Variants in LIPA observed in about 807,000 individuals in gnomAD.
LIPA encodes the protein lipase A, lysosomal acid type, also known as lysosomal acid lipase/cholesteryl ester hydrolase.
Under a neutral mutation model 40.6 loss-of-function variants are expected in LIPA, and 26 were observed. That is an observed-to-expected ratio of 0.64 (90% CI 0.47 to 0.89). LIPA has a LOEUF of 0.89. Among genes scored for constraint, LIPA ranks in the 40% least tolerant of loss-of-function variants. LIPA has a pLI of 0.00. For synonymous variants in LIPA, 188 were observed against 168.4 expected (o/e 1.12, Z -0.90); for missense variants, 455 against 479.6 (o/e 0.95, Z 0.48).
chr10:89,320,155 C>A (rs913287266), intron 1 of LIPA, among the ~76,000 whole-genome samples: 2 of 152,166 alleles, frequency 1.3e-5, no homozygotes, highest in African/African-American at 4.8e-5. Flanking sequence ...TGAAAACTGG[C>A]ACAAGACAGG....
At chr10:89,338,151 G>A (rs1843776610) in intron 1 of LIPA, 1 of 154,410 alleles carries the variant, frequency 6.5e-6, no homozygotes, top group Non-Finnish European at 1.4e-5. Context: ...ATAAGTCAAG[G>A]AACATCTATA....
chr10:89,247,602 G>C lies in LIPA; in HGVS notation c.47C>G (p.Thr16Ser), dbSNP rs1313662068. ...CCCTCCAGACCCCTCAGAATGCAGG[G>C]TCCAGAGAACCAAACAGACCACCAA... The part of the protein sequence containing the change: ...LGLVVCLVLW[T>S]LHSEGSGGKL... Residue 16 changes from threonine (T) to serine (S), a missense_variant, in exon 2 of 10, where the codon ACC (threonine) becomes AGC (serine). Physicochemically the swap from Thr to Ser is moderately conservative, Grantham distance 58. Transcript: ENST00000336233. 2 of 1,613,140 alleles carry C rather than the reference G, an allele frequency of 1.2e-6. No individual in the cohort carries two copies.
rs1208025894 is a variant in LIPA, at chr10:89,228,338, G to A, written c.290C>T (p.Thr97Ile). Residue 97 changes from threonine to isoleucine, a missense_variant, in exon 4 of 10, where the codon ACA (threonine) becomes ATA (isoleucine). By Grantham distance (89) the Thr-to-Ile change is moderately conservative. Transcript: ENST00000336233. ...GCCCAGGCTGCTGTTGGCAAGGTTT[G>A]TGACCCAGTTACTAGAATCTGCCAG... The part of the protein sequence containing the change: ...GLLADSSNWV[T>I]NLANSSLGFI... The A allele has an allele frequency of 6.2e-7, 1 of 1,614,234 alleles. No homozygotes were observed. The highest frequency in any genetic ancestry group is 8.5e-7 in the Non-Finnish European group (1 of 1,180,040).
intron 1 of LIPA, among the ~76,000 whole-genome samples, chr10:89,333,141 A>G (rs75743393): frequency 0.021 from 3,227 of 152,258 alleles, 125 homozygotes; most frequent in African/African-American, 0.072. Flanking sequence ...ATTGGGGGAT[A>G]TGTCTACTTG....
chr10:89,386,976 A>T (rs535804232), intron 2 of LIPA, among the ~76,000 whole-genome samples: 3,931 of 132,654 alleles, frequency 0.03, 181 homozygotes, highest in African/African-American at 0.12. Flanking sequence ...TGTGTGTGAG[A>T]GAGAGAGAGA....
Position 89,383,876 on chromosome 10 carries a change from T to C in LIPA, c.61+28915A>G, listed in dbSNP as rs7072728. ...GGGTACGCAATCACCGTCTATCGCCTGGATAAATTTAACACAGCATCAGGG... is the reference window on the plus strand; with the variant it reads ...GGGTACGCAATCACCGTCTATCGCCCGGATAAATTTAACACAGCATCAGGG... On this transcript the variant is annotated intron_variant, in intron 2 of 8. Coordinates refer to the LIPA transcript ENST00000371837. 3,808 of 1,614,206 alleles carry C rather than the reference T, an allele frequency of 2.4e-3. 81 individuals carry two copies. In the African/African-American group the frequency reaches 0.046, roughly 19 times the overall value.
At chr10:89,261,537 TTAA>T (rs1356603364) in intron 1 of LIPA, among the ~76,000 whole-genome samples, 4 of 151,804 alleles carry the variant, frequency 2.6e-5, no homozygotes, top group Non-Finnish European at 5.9e-5. Context: ...AAATTAAAAT[TTAA>T]AAAATCAGAA....
chr10:89,379,762 T>C lies in LIPA; in HGVS notation c.61+33029A>G, dbSNP rs575448144. On this transcript the variant is annotated intron_variant, in intron 2 of 8. Transcript: ENST00000371837. Reference sequence around the variant, plus strand: ...ATAAGATGTTAGTTGTGGCTGGGCATGGTGGCTCACACCTGTAATCCCAGC... The same window carrying C: ...ATAAGATGTTAGTTGTGGCTGGGCACGGTGGCTCACACCTGTAATCCCAGC... Among the ~76,000 whole-genome samples the C allele has an allele frequency of 1.8e-4, 28 of 152,244 alleles. No individual in the cohort carries two copies. In the East Asian group the frequency reaches 5.2e-3, roughly 28 times the overall value.
At chr10:89,391,164 T>C (rs548236722) in intron 2 of LIPA, among the ~76,000 whole-genome samples, 1 of 152,366 alleles carries the variant, frequency 6.6e-6, no homozygotes, top group Admixed American at 6.5e-5. Context: ...CTGCTTCTTA[T>C]GTTAAAAGAC....
chr10:89,345,701 G>A (rs1843915197), upstream of LIPA, among the ~76,000 whole-genome samples: 1 of 152,052 alleles, frequency 6.6e-6, no homozygotes. Flanking sequence ...ATACACAGCT[G>A]AAAAGCATTT....
At chr10:89,325,472 C>T (rs1415884117) in intron 1 of LIPA, among the ~76,000 whole-genome samples, 4 of 152,106 alleles carry the variant, frequency 2.6e-5, no homozygotes, top group Non-Finnish European at 5.9e-5. Flanking sequence ...ACCTAAATGC[C>T]CATCAACAGA....
At chr10:89,306,717 C>T (rs779315161) in intron 1 of LIPA, 1 of 1,614,038 alleles carries the variant, frequency 6.2e-7, no homozygotes, top group Non-Finnish European at 8.5e-7. Flanking sequence ...CGCAGTGCAG[C>T]CAAGTTTTAT....
intron 2 of LIPA, among the ~76,000 whole-genome samples, chr10:89,387,465 G>A (rs1041720357): frequency 1.3e-5 from 2 of 152,110 alleles, no homozygotes; most frequent in African/African-American, 4.8e-5. Flanking sequence ...TGCAATATGG[G>A]CCAGCGAAGA....
chr10:89,298,095 C>T (rs115012122), intron 1 of LIPA, among the ~76,000 whole-genome samples: 8,098 of 152,296 alleles, frequency 0.053, 717 homozygotes, highest in African/African-American at 0.18. Context: ...GTTTGTCCCA[C>T]CGTTGGCTAC....
intron 2 of LIPA, among the ~76,000 whole-genome samples, chr10:89,360,422 G>C (rs1260756293): frequency 6.6e-6 from 1 of 152,162 alleles, no homozygotes; most frequent in East Asian, 1.9e-4. Flanking sequence ...ATGAAACCCA[G>C]TCTACATTTG....
chr10:89,336,700 TA>T (rs1843746001), intron 1 of LIPA, among the ~76,000 whole-genome samples: 1 of 152,248 alleles, frequency 6.6e-6, no homozygotes, highest in Admixed American at 6.5e-5. Flanking sequence ...TTGGTCAGAA[TA>T]GATGGTTGGT....
chr10:89,402,754 C>T, intron 2 of LIPA: 1 of 1,614,186 alleles, frequency 6.2e-7, no homozygotes, highest in Admixed American at 1.7e-5. Context: ...TATGAACGGG[C>T]CAAGGCCTGC....
chr10:89,399,041 C>CT (rs58350045), intron 2 of LIPA, among the ~76,000 whole-genome samples: 51,754 of 151,276 alleles, frequency 0.34, 10,068 homozygotes, highest in East Asian at 0.61. Flanking sequence ...TTATATCCTG[C>CT]TTTTTTTTTA....
At chr10:89,399,205 A>G (rs1844387028) in intron 2 of LIPA, among the ~76,000 whole-genome samples, 1 of 152,096 alleles carries the variant, frequency 6.6e-6, no homozygotes, top group Non-Finnish European at 1.5e-5. Context: ...TCCTTTGCCC[A>G]TTTCTTAATC....
Sources: gnomAD v4.1 joint callset for allele counts (sites outside exome capture counted in the v4.1 genomes callset) on GRCh38, gnomAD v4.1.1 for gene constraint, MANE v1.5 for transcripts, NCBI Gene and HGNC (gene_info 2026-07-23, HGNC 2026-07-21) for gene names.